BANK1: variants seen among roughly 807,000 people sequenced by gnomAD.
BANK1 encodes the protein B cell scaffold protein with ankyrin repeats 1, also known as B-cell scaffold protein with ankyrin repeats.
A neutral mutation model predicts 94.5 loss-of-function variants in BANK1; 95 were observed. The observed-to-expected ratio is 1.00, with a 90% CI of 0.85 to 1.19. The LOEUF is 1.19. Among genes scored for constraint, BANK1 ranks in the 50% most tolerant of loss-of-function variants. The pLI, the probability that BANK1 is intolerant of heterozygous loss-of-function variation, is 0.00. For missense variants in BANK1, 987 were observed against 932.2 expected (o/e 1.06, Z -0.77); for synonymous variants, 334 against 308.4 (o/e 1.08, Z -0.87).
intron 1 of BANK1, among the ~76,000 whole-genome samples, chr4:101,826,269 A>G (rs778096234): frequency 1.3e-5 from 2 of 151,972 alleles, no homozygotes; most frequent in South Asian, 2.1e-4. Context: ...TAATCTTTTA[A>G]ATAATATTAT....
chr4:101,822,808 G>T (rs1726221632), intron 1 of BANK1, among the ~76,000 whole-genome samples: 1 of 151,886 alleles, frequency 6.6e-6, no homozygotes, highest in Non-Finnish European at 1.5e-5. Context: ...GTAGAGGCGG[G>T]GTTTCGCCAC....
intron 10 of BANK1, among the ~76,000 whole-genome samples, chr4:102,036,348 A>G (rs1446297658): frequency 6.6e-6 from 1 of 152,170 alleles, no homozygotes; most frequent in Non-Finnish European, 1.5e-5. Flanking sequence ...GCAAAAAGAG[A>G]AAAAAGACCT....
In BANK1 at chr4:102,048,395, C is replaced by T. The variant is rs562123868; in HGVS notation, c.1969+4488C>T. 2.6e-5 allele frequency among the ~76,000 whole-genome samples: 4 copies of T among 152,200 alleles called. No individual in the cohort carries two copies. In the East Asian group the frequency reaches 7.7e-4, roughly 29 times the overall value. Reference sequence around the variant, plus strand: ...AAATAGCTAACAAGGTTGATTTCATCCAACCATATTTCTCTAAACTGTTGC... The same window carrying T: ...AAATAGCTAACAAGGTTGATTTCATTCAACCATATTTCTCTAAACTGTTGC... On this transcript the variant is annotated intron_variant, in intron 11 of 16. Transcript: ENST00000322953.
chr4:101,792,905 T>C (rs923676080), intron 1 of BANK1, among the ~76,000 whole-genome samples: 1 of 152,174 alleles, frequency 6.6e-6, no homozygotes, highest in African/African-American at 2.4e-5. Context: ...CTAGTTAGAA[T>C]GTATTTTCTG....
chr4:101,823,846 G>C (rs758925081), intron 1 of BANK1, among the ~76,000 whole-genome samples: 1 of 152,106 alleles, frequency 6.6e-6, no homozygotes, highest in Non-Finnish European at 1.5e-5. Flanking sequence ...ATTATGTGTT[G>C]GTACCTTCCT....
At chr4:101,941,672 T>A (rs1723745635) in intron 7 of BANK1, among the ~76,000 whole-genome samples, 1 of 151,696 alleles carries the variant, frequency 6.6e-6, no homozygotes, top group South Asian at 2.1e-4. Flanking sequence ...GTGTGAAAAG[T>A]CTGATCTCTT....
chr4:102,014,889 T>C (rs1726641019), intron 7 of BANK1, among the ~76,000 whole-genome samples: 1 of 152,168 alleles, frequency 6.6e-6, no homozygotes, highest in African/African-American at 2.4e-5. Context: ...GTGTTTTATC[T>C]GAGTTCTGAA....
chr4:102,061,510 A>G (rs1728416835), intron 12 of BANK1: 1 of 152,230 alleles, frequency 6.6e-6, no homozygotes, highest in Admixed American at 6.5e-5. Flanking sequence ...CTTCTCAATC[A>G]TGTCAATGTC....
intron 7 of BANK1, among the ~76,000 whole-genome samples, chr4:101,959,149 T>C (rs1431929264): frequency 6.6e-6 from 1 of 151,702 alleles, no homozygotes; most frequent in Non-Finnish European, 1.5e-5. Context: ...TTTTTGTTTT[T>C]TTTTTGAGAC....
At chr4:101,801,518 C>T (rs892124341) in intron 1 of BANK1, among the ~76,000 whole-genome samples, 1 of 152,170 alleles carries the variant, frequency 6.6e-6, no homozygotes, top group South Asian at 2.1e-4. Flanking sequence ...TGAGATTACT[C>T]TCATAAAAAT....
intron 11 of BANK1, among the ~76,000 whole-genome samples, chr4:102,054,536 C>T (rs1728164229): frequency 6.6e-6 from 1 of 152,064 alleles, no homozygotes; most frequent in Non-Finnish European, 1.5e-5. Flanking sequence ...AAGATACAGA[C>T]TGAAATGTGG....
At chr4:101,873,031 A>C (rs1728353580) in intron 5 of BANK1, among the ~76,000 whole-genome samples, 1 of 151,978 alleles carries the variant, frequency 6.6e-6, no homozygotes, top group African/African-American at 2.4e-5. Flanking sequence ...AAAGAAAAAA[A>C]AACCCAGCAT....
Position 102,063,130 on chromosome 4 carries a change from AT to A in BANK1, c.2205del (p.Asn735LysfsTer70). ...ATTGGGAAAAGGCCAGAAGAAGAAA[AT>A]GTCTATAGTAAGTAAGATTCGCCTG... ...CIIGKRPEEE[N>X]VYNKLTIVHH... is the part of the protein sequence containing the mutation. On this transcript the variant is annotated frameshift_variant, in exon 13 of 17. Coordinates refer to ENST00000322953, the MANE Select transcript of BANK1 (RefSeq NM_017935.5). LOFTEE classifies it high-confidence loss of function. 1 of 1,612,528 alleles carries A rather than the reference AT, an allele frequency of 6.2e-7. No individual in the cohort carries two copies. Among genetic ancestry groups the A allele is most frequent in the Non-Finnish European group, 8.5e-7 (1 of 1,178,686 alleles).
chr4:101,974,047 AGGGT>A (rs1725045238), intron 7 of BANK1, among the ~76,000 whole-genome samples: 1 of 152,150 alleles, frequency 6.6e-6, no homozygotes. Flanking sequence ...TACCTGGCGT[AGGGT>A]GGGTGTTCAG....
chr4:101,846,342 G>T (rs888311274), intron 2 of BANK1, among the ~76,000 whole-genome samples: 25 of 152,192 alleles, frequency 1.6e-4, no homozygotes, highest in African/African-American at 6.0e-4. Flanking sequence ...GTTTTTAACA[G>T]CTCTGAAAAT....
At chr4:101,850,422 C>T (rs1281485592) in intron 2 of BANK1, among the ~76,000 whole-genome samples, 2 of 151,068 alleles carry the variant, frequency 1.3e-5, no homozygotes, top group Non-Finnish European at 2.9e-5. Flanking sequence ...CAGGCGTGTG[C>T]CATGACACCC....
At position 101,852,543 on chromosome 4, in the gene BANK1, A is replaced by G. The variant is rs577594699; in HGVS notation, c.470-2492A>G. On this transcript the variant is annotated intron_variant, in intron 2 of 16. Coordinates refer to ENST00000322953, the MANE Select transcript of BANK1 (RefSeq NM_017935.5). ...AGTCTATTCTCATTCATTCAAGCCT[A>G]TGTCTTTAATTCCTACCACATAGCT... Among the ~76,000 whole-genome samples the G allele has an allele frequency of 5.5e-5, 8 of 144,438 alleles. No homozygotes were observed. The South Asian group carries it at 1.5e-3, about 28-fold the overall frequency. 94.8% of individuals were successfully genotyped at this position (144,438 alleles called of 152,430 possible).
At chr4:101,906,644 C>T (rs1722460919) in intron 6 of BANK1, among the ~76,000 whole-genome samples, 1 of 152,184 alleles carries the variant, frequency 6.6e-6, no homozygotes, top group African/African-American at 2.4e-5. Context: ...TACTCTCATT[C>T]CTCCTCATCA....
chr4:101,835,226 T>G (rs1001546891), intron 2 of BANK1, among the ~76,000 whole-genome samples: 1 of 152,252 alleles, frequency 6.6e-6, no homozygotes, highest in Admixed American at 6.5e-5. Context: ...GAAATTGTTA[T>G]AAAATCAACT....
Sources: allele counts gnomAD v4.1 joint callset (sites outside exome capture counted in the v4.1 genomes callset), GRCh38; gene constraint gnomAD v4.1.1; transcripts MANE v1.5; gene names NCBI Gene and HGNC (gene_info 2026-07-23, HGNC 2026-07-21).